Variants in SPOCK1 observed in about 807,000 individuals in gnomAD.
SPOCK1 encodes the protein testican-1.
A neutral mutation model predicts 55.3 loss-of-function variants in SPOCK1; 23 were observed. The observed-to-expected ratio is 0.42, with a 90% CI of 0.30 to 0.59. SPOCK1 has a LOEUF of 0.59. Ranked by LOEUF, SPOCK1 falls within the 20% of genes least tolerant of loss-of-function variation. The probability of loss-of-function intolerance (pLI) is 0.22; values close to 1 mark genes in which losing one functional copy is unlikely to be tolerated. For synonymous variants in SPOCK1, 226 were observed against 221.0 expected (o/e 1.02, Z -0.20); for missense variants, 499 against 552.5 (o/e 0.90, Z 0.97).
intron 3 of SPOCK1, among the ~76,000 whole-genome samples, chr5:137,205,990 C>T (rs1755515291): frequency 6.6e-6 from 1 of 152,208 alleles, no homozygotes; most frequent in Admixed American, 6.5e-5. Context: ...CAAATATCTA[C>T]AATGGCAAAG....
At chr5:137,307,681 G>A (rs528745819) in intron 2 of SPOCK1, among the ~76,000 whole-genome samples, 1 of 152,308 alleles carries the variant, frequency 6.6e-6, no homozygotes, top group African/African-American at 2.4e-5. Context: ...GACCACTTCG[G>A]TGACTTAGAG....
At chr5:136,993,914 G>C (rs1217942883) in intron 6 of SPOCK1, among the ~76,000 whole-genome samples, 3 of 152,144 alleles carry the variant, frequency 2.0e-5, no homozygotes, top group Non-Finnish European at 4.4e-5. Context: ...CAAAAGACTA[G>C]GTGAAACTTC....
At position 137,140,566 on chromosome 5, in the gene SPOCK1, C is replaced by T; in HGVS notation, c.347+14G>A. The T allele has an allele frequency of 6.2e-7, 1 of 1,607,370 alleles. No homozygotes were observed. The highest frequency in any genetic ancestry group is 8.5e-7 in the Non-Finnish European group (1 of 1,176,820). On this transcript the variant is annotated intron_variant, in intron 4 of 10. Coordinates refer to ENST00000394945, the MANE Select transcript of SPOCK1 (RefSeq NM_004598.4). ...ATGCCTCCCAGCCCCCAGCCCCCGG[C>T]CTTCCTGCCTTACCTGGGGAGCAGG...
At chr5:137,486,835 T>A (rs1754068032) in intron 2 of SPOCK1, among the ~76,000 whole-genome samples, 1 of 152,244 alleles carries the variant, frequency 6.6e-6, no homozygotes, top group Admixed American at 6.5e-5. Flanking sequence ...GTCTTAGTCA[T>A]TGGAAGTGAT....
intron 2 of SPOCK1, among the ~76,000 whole-genome samples, chr5:137,372,235 A>C (rs1751217483): frequency 6.6e-6 from 1 of 152,194 alleles, no homozygotes; most frequent in African/African-American, 2.4e-5. Context: ...AAACTTCATC[A>C]GTTCCTCATG....
At chr5:137,194,770 C>T (rs755864064) in intron 3 of SPOCK1, among the ~76,000 whole-genome samples, 6 of 152,148 alleles carry the variant, frequency 3.9e-5, no homozygotes, top group Admixed American at 6.5e-5. Context: ...TGAGCACTCT[C>T]CTCTCCAGGT....
intron 2 of SPOCK1, among the ~76,000 whole-genome samples, chr5:137,409,769 A>G (rs919734114): frequency 6.6e-6 from 1 of 152,214 alleles, no homozygotes; most frequent in African/African-American, 2.4e-5. Context: ...CTGTTAGGTT[A>G]GAAGGATATA....
At chr5:137,408,998 C>G (rs559795624) in intron 2 of SPOCK1, among the ~76,000 whole-genome samples, 4 of 152,182 alleles carry the variant, frequency 2.6e-5, no homozygotes, top group Non-Finnish European at 5.9e-5. Flanking sequence ...GTCCCATCTC[C>G]CTCCCAAACC....
chr5:137,135,423 C>G, intron 4 of SPOCK1, among the ~76,000 whole-genome samples: 1 of 152,178 alleles, frequency 6.6e-6, no homozygotes, highest in East Asian at 1.9e-4. Flanking sequence ...CTGTTTGTCC[C>G]CCTGTCCCCT....
rs917112260 is a variant in SPOCK1 at position 136,976,205 on chromosome 5, G to A, written c.*2449C>T. The A allele has an allele frequency of 2.6e-5, 4 of 152,290 alleles. No individual in the cohort carries two copies. The highest frequency in any genetic ancestry group is 3.4e-3 in the Middle Eastern group (1 of 294). 9.4% of individuals were successfully genotyped at this position (152,290 alleles called of 1,614,324 possible). A position where few individuals can be genotyped will look rare whatever the true frequency, so the allele number is the denominator to read the frequency against. On this transcript the variant is annotated 3_prime_UTR_variant, in exon 11 of 11. Coordinates refer to ENST00000394945, the MANE Select transcript of SPOCK1 (RefSeq NM_004598.4). Reference sequence around the variant, plus strand: ...ATCGAATGCTGTCATGTCAAAGTGAGGCATGAAAAGTATTATTAATGTGGC... The same window carrying A: ...ATCGAATGCTGTCATGTCAAAGTGAAGCATGAAAAGTATTATTAATGTGGC...
intron 2 of SPOCK1, among the ~76,000 whole-genome samples, chr5:137,377,616 G>A (rs578007728): frequency 1.3e-5 from 2 of 152,144 alleles, no homozygotes; most frequent in South Asian, 2.1e-4. Flanking sequence ...TACTACTTGT[G>A]GAATAATAAA....
chr5:137,003,636 T>C (rs1751188125), intron 6 of SPOCK1, among the ~76,000 whole-genome samples: 1 of 152,242 alleles, frequency 6.6e-6, no homozygotes, highest in South Asian at 2.1e-4. Context: ...GAGCAATTTG[T>C]GTCCAGTTTG....
At chr5:137,362,028 T>G (rs1750957723) in intron 2 of SPOCK1, among the ~76,000 whole-genome samples, 1 of 152,060 alleles carries the variant, frequency 6.6e-6, no homozygotes, top group Non-Finnish European at 1.5e-5. Flanking sequence ...GTGGAAGAAA[T>G]GCCACCTTTT....
At chr5:137,211,876 T>C (rs1254639028) in intron 3 of SPOCK1, among the ~76,000 whole-genome samples, 1 of 152,168 alleles carries the variant, frequency 6.6e-6, no homozygotes, top group Non-Finnish European at 1.5e-5. Context: ...CCCCGCCCCC[T>C]GCCACACACC....
At chr5:137,076,193 G>A (rs953932317) in intron 5 of SPOCK1, among the ~76,000 whole-genome samples, 2 of 152,148 alleles carry the variant, frequency 1.3e-5, no homozygotes, top group African/African-American at 2.4e-5. Flanking sequence ...CCCCTCTTCC[G>A]AACGGGGCTC....
At chr5:137,113,093 T>C (rs115233839) in intron 4 of SPOCK1, among the ~76,000 whole-genome samples, 1,591 of 152,316 alleles carry the variant, frequency 0.01, 31 homozygotes, top group African/African-American at 0.036. Context: ...TAAAGTAATT[T>C]CAGTCCAGCT....
chr5:137,440,849 A>C (rs1487718264), intron 2 of SPOCK1, among the ~76,000 whole-genome samples: 1 of 152,240 alleles, frequency 6.6e-6, no homozygotes, highest in African/African-American at 2.4e-5. Context: ...AGAAAGATGA[A>C]TGTCTTATGA....
At chr5:137,205,345 G>A (rs1755499988) in intron 3 of SPOCK1, among the ~76,000 whole-genome samples, 1 of 152,348 alleles carries the variant, frequency 6.6e-6, no homozygotes, top group Non-Finnish European at 1.5e-5. Context: ...AAGCTGTCGT[G>A]CTCTCTAAAG....
At chr5:137,106,381 T>C (rs1284750275) in intron 5 of SPOCK1, among the ~76,000 whole-genome samples, 1 of 152,114 alleles carries the variant, frequency 6.6e-6, no homozygotes, top group Non-Finnish European at 1.5e-5. Context: ...CTTTACTCTT[T>C]CTATGCTGAT....
Sources: allele counts gnomAD v4.1 joint callset (sites outside exome capture counted in the v4.1 genomes callset), GRCh38; gene constraint gnomAD v4.1.1; transcripts MANE v1.5; gene names NCBI Gene and HGNC (gene_info 2026-07-23, HGNC 2026-07-21).